Variants in CAPN13 observed in about 807,000 individuals in gnomAD.
The protein encoded by CAPN13 is calpain-13.
A neutral mutation model predicts 98.4 loss-of-function variants in CAPN13; 90 were observed. The observed-to-expected ratio is 0.92, with a 90% CI of 0.77 to 1.09. The LOEUF (loss-of-function observed/expected upper bound fraction) is 1.09, where lower values mean the gene tolerates loss of function less well. Among genes scored for constraint, CAPN13 ranks in the 50% least tolerant of loss-of-function variants. The pLI, the probability that CAPN13 is intolerant of heterozygous loss-of-function variation, is 0.00. For missense variants in CAPN13, 887 were observed against 841.3 expected, an observed-to-expected ratio of 1.05 and a Z score of -0.67; for synonymous variants, 330 against 305.5, an observed-to-expected ratio of 1.08 and a Z score of -0.84.
At chr2:30,800,128 G>GAAAGA (rs1558351422) in intron 1 of CAPN13, among the ~76,000 whole-genome samples, 26 of 129,444 alleles carry the variant, frequency 2.0e-4, no homozygotes, top group African/African-American at 7.7e-4. Context: ...AAGAAAGAAA[G>GAAAGA]AAAGAAAGAA....
At position 30,731,343 on chromosome 2, in the gene CAPN13, C is replaced by A. The variant is rs769087472; in HGVS notation, c.1983+1G>T. 6.2e-7 allele frequency: 1 copy of A among 1,609,450 alleles called. No individual in the cohort carries two copies. Among genetic ancestry groups the A allele is most frequent in the Admixed American group, 1.7e-5 (1 of 59,504 alleles). Reference sequence around the variant, plus strand: ...GCCCCGGGGAGGGGAAGGTACCTCACCTCCATTTCTGTCAGGTAGAGTCCT... The same window carrying A: ...GCCCCGGGGAGGGGAAGGTACCTCAACTCCATTTCTGTCAGGTAGAGTCCT... On this transcript the variant is annotated splice_donor_variant, in intron 21 of 22. Coordinates refer to ENST00000295055, the MANE Select transcript of CAPN13 (RefSeq NM_144575.3). LOFTEE classifies it high-confidence loss of function.
In CAPN13 at chr2:30,806,402, T is replaced by TAACAAC. The variant is rs113414335; in HGVS notation, c.-33+894_-33+899dup. ...GCTGTCACTCCTCCAACCTTCAAAA[T>TAACAAC]AACAACAACAACAACAACAACAACA... is the stretch of plus-strand genomic sequence containing the variant. On this transcript the variant is annotated intron_variant, in intron 1 of 22. Coordinates refer to ENST00000295055, the MANE Select transcript of CAPN13 (RefSeq NM_144575.3). The TAACAAC allele has an allele frequency of 7.9e-5, 12 of 151,602 alleles. No individual in the cohort carries two copies. In the South Asian group the frequency reaches 8.3e-4, roughly 11 times the overall value. 9.4% of individuals were successfully genotyped at this position (151,602 alleles called of 1,614,324 possible). A position where few individuals can be genotyped will look rare whatever the true frequency, so the allele number is the denominator to read the frequency against.
chr2:30,753,245 C>A (rs1261671169), intron 9 of CAPN13, 47 bp from the exon 10 acceptor site: 4 of 1,604,614 alleles, frequency 2.5e-6, no homozygotes, highest in Non-Finnish European at 3.4e-6. Flanking sequence ...GGTTGTGTCC[C>A]CAGGGTGGGG....
chr2:30,741,539 C>A (rs749377110), intron 15 of CAPN13: 3 of 1,061,964 alleles, frequency 2.8e-6, no homozygotes, highest in Non-Finnish European at 3.4e-6. Flanking sequence ...GGCTAGCTCC[C>A]GGGAGGAACG....
At chr2:30,732,072 T>C (rs1437056586) in intron 20 of CAPN13, among the ~76,000 whole-genome samples, 1 of 152,214 alleles carries the variant, frequency 6.6e-6, no homozygotes, top group African/African-American at 2.4e-5. Flanking sequence ...CTCCTGCCCC[T>C]ACTTATTCAC....
chr2:30,801,424 C>T (rs1350429332), intron 1 of CAPN13, among the ~76,000 whole-genome samples: 3 of 150,992 alleles, frequency 2.0e-5, no homozygotes, highest in Non-Finnish European at 3.0e-5. Flanking sequence ...GACCAGCCTG[C>T]CCAACATGGT....
chr2:30,760,614 G>A (rs1672802121), intron 7 of CAPN13, among the ~76,000 whole-genome samples: 1 of 152,234 alleles, frequency 6.6e-6, no homozygotes, highest in African/African-American at 2.4e-5. Flanking sequence ...GGGAGGATGA[G>A]CAGATTAAAA....
intron 1 of CAPN13, among the ~76,000 whole-genome samples, chr2:30,801,487 C>A (rs1675267858): frequency 6.6e-6 from 1 of 151,474 alleles, no homozygotes; most frequent in Non-Finnish European, 1.5e-5. Context: ...CACCTGTAAT[C>A]CCAGCTACTC....
chr2:30,764,935 C>CAGAT (rs1673039382), intron 5 of CAPN13, among the ~76,000 whole-genome samples: 4 of 152,278 alleles, frequency 2.6e-5, no homozygotes, highest in Non-Finnish European at 2.9e-5. Context: ...CACTCGCCCC[C>CAGAT]AGATCATTAG....
intron 7 of CAPN13, among the ~76,000 whole-genome samples, chr2:30,759,545 C>T (rs565433): frequency 6.6e-6 from 1 of 152,078 alleles, no homozygotes; most frequent in Non-Finnish European, 1.5e-5. Flanking sequence ...CTCCATGATT[C>T]TTGGTCAGAG....
At chr2:30,753,755 C>T (rs1040083848) in intron 9 of CAPN13, among the ~76,000 whole-genome samples, 15 of 152,262 alleles carry the variant, frequency 9.9e-5, no homozygotes, top group Admixed American at 2.6e-4. Context: ...TGCATCACTC[C>T]GTAAACCAGA....
chr2:30,763,800 G>C (rs929405120), intron 6 of CAPN13, among the ~76,000 whole-genome samples: 4 of 152,252 alleles, frequency 2.6e-5, no homozygotes, highest in African/African-American at 9.6e-5. Flanking sequence ...GCATGGTAAA[G>C]CCCACTGGTT....
intron 5 of CAPN13, among the ~76,000 whole-genome samples, chr2:30,768,673 T>G (rs914309306): frequency 6.2e-5 from 8 of 128,490 alleles, no homozygotes; most frequent in African/African-American, 3.9e-4. Context: ...TCATGAACTT[T>G]CTTTTTTCCT....
chr2:30,743,265 T>A (rs886241074), intron 13 of CAPN13, 118 bp downstream of exon 13: 1 of 918,174 alleles, frequency 1.1e-6, no homozygotes, highest in Admixed American at 1.8e-5. Flanking sequence ...GCCAATATCA[T>A]GTCCCCAGTG....
At chr2:30,802,449 A>ATGTGTGTGTG (rs894651411) in intron 1 of CAPN13, among the ~76,000 whole-genome samples, 1 of 133,190 alleles carries the variant, frequency 7.5e-6, no homozygotes, top group Admixed American at 7.4e-5. Context: ...GGAGCTTAGA[A>ATGTGTGTGTG]TGTGTGTGTG....
chr2:30,734,549 G>A (rs1219950510), intron 18 of CAPN13, 25 bp from the exon 19 acceptor site: 1 of 1,592,554 alleles, frequency 6.3e-7, no homozygotes, highest in Admixed American at 1.7e-5. Flanking sequence ...GAAGCAAGAA[G>A]TCTGTGTGAA....
intron 8 of CAPN13, among the ~76,000 whole-genome samples, chr2:30,756,533 T>C (rs948547309): frequency 6.6e-6 from 1 of 152,210 alleles, no homozygotes; most frequent in African/African-American, 2.4e-5. Context: ...ATTGTGAATA[T>C]ATTGCCTCTT....
chr2:30,757,951 C>A, intron 8 of CAPN13, 95 bp downstream of exon 8: 1 of 870,764 alleles, frequency 1.1e-6, no homozygotes, highest in South Asian at 1.9e-5. Context: ...CAGTGAGATG[C>A]GCAGTGGCTA....
intron 3 of CAPN13, among the ~76,000 whole-genome samples, chr2:30,776,592 T>A (rs976104480): frequency 6.6e-6 from 1 of 152,112 alleles, no homozygotes; most frequent in Admixed American, 6.5e-5. Flanking sequence ...GAAAACTGAT[T>A]CGCGTTTTTC....
Sources: allele counts gnomAD v4.1 joint callset (sites outside exome capture counted in the v4.1 genomes callset), GRCh38; gene constraint gnomAD v4.1.1; transcripts MANE v1.5; gene names NCBI Gene and HGNC (gene_info 2026-07-23, HGNC 2026-07-21).